Variants in CBR4 observed in about 807,000 individuals in gnomAD.
CBR4 encodes the protein 3-oxoacyl-[acyl-carrier-protein] reductase.
CBR4 carries 22 observed loss-of-function variants against 21.0 expected under a neutral mutation model. That is an observed-to-expected ratio of 1.05 (90% CI 0.75 to 1.50). CBR4 has a LOEUF of 1.50. CBR4 is among the 40% of genes most tolerant of loss of function. The probability of loss-of-function intolerance (pLI) is 0.00; values close to 1 mark genes in which losing one functional copy is unlikely to be tolerated. For missense variants in CBR4, 302 were observed against 286.3 expected, an observed-to-expected ratio of 1.05 and a Z score of -0.40; for synonymous variants, 100 against 104.4, an observed-to-expected ratio of 0.96 and a Z score of 0.26.
intron 2 of CBR4, among the ~76,000 whole-genome samples, chr4:168,902,314 C>T (rs1021612035): frequency 3.3e-5 from 5 of 152,086 alleles, no homozygotes; most frequent in African/African-American, 4.8e-5. Flanking sequence ...CAACAAATAA[C>T]TTGCTGTGGC....
intron 2 of CBR4, among the ~76,000 whole-genome samples, chr4:168,981,501 A>C (rs1187430206): frequency 9.9e-5 from 15 of 152,240 alleles, no homozygotes; most frequent in Admixed American, 9.8e-4. Context: ...TATTAATAGC[A>C]GAACAGATCA....
chr4:169,005,633 C>A (rs1432476864), intron 3 of CBR4, among the ~76,000 whole-genome samples: 1 of 152,116 alleles, frequency 6.6e-6, no homozygotes, highest in Non-Finnish European at 1.5e-5. Context: ...CAGATACAGG[C>A]CTGTTTGCCT....
chr4:168,949,958 A>G (rs1294058283), intron 2 of CBR4, among the ~76,000 whole-genome samples: 1 of 152,054 alleles, frequency 6.6e-6, no homozygotes, highest in Non-Finnish European at 1.5e-5. Context: ...GTCAGTTGTA[A>G]TATCTCCCAT....
chr4:168,947,048 A>C (rs1294218494), intron 2 of CBR4, among the ~76,000 whole-genome samples: 1 of 152,196 alleles, frequency 6.6e-6, no homozygotes, highest in Admixed American at 6.6e-5. Context: ...ATCCTCAAGA[A>C]ATAAAACTTT....
rs140584890 is a variant in CBR4, at chr4:168,921,575, T to C, written n.170-26810A>G. 1.3e-4 allele frequency: 208 copies of C among 1,607,938 alleles called. 1 individual carries two copies. The highest frequency in any genetic ancestry group is 3.3e-4 in the Middle Eastern group (2 of 6,028). The stretch of plus-strand genomic sequence containing the variant: ...CCCCAGATCTAAGCTGGCAACTAGA[T>C]GGAAAGCCCGTACGCCCTGACAGTG... On this transcript the variant is annotated intron_variant and non_coding_transcript_variant, in intron 2 of 3. Coordinates refer to the CBR4 transcript ENST00000509108.
intron 2 of CBR4, among the ~76,000 whole-genome samples, chr4:168,957,907 C>T (rs1369237605): frequency 6.6e-6 from 1 of 152,076 alleles, no homozygotes; most frequent in Non-Finnish European, 1.5e-5. Context: ...AGGGGTTTTC[C>T]CTGCCTACAC....
chr4:168,942,989 G>A (rs746509908), intron 2 of CBR4, among the ~76,000 whole-genome samples: 1 of 152,150 alleles, frequency 6.6e-6, no homozygotes, highest in Non-Finnish European at 1.5e-5. Flanking sequence ...CAAGAAGGTA[G>A]AGAAACAGGA....
intron 2 of CBR4, among the ~76,000 whole-genome samples, chr4:168,952,538 G>A (rs1382215950): frequency 1.3e-5 from 2 of 152,098 alleles, no homozygotes; most frequent in East Asian, 3.9e-4. Context: ...CTTCCCATTT[G>A]GGTAGGCTCT....
intron 2 of CBR4, among the ~76,000 whole-genome samples, chr4:168,976,556 T>A (rs1285039301): frequency 6.6e-6 from 1 of 152,204 alleles, no homozygotes; most frequent in Non-Finnish European, 1.5e-5. Context: ...GGGGTGGATC[T>A]TGTAGTACAT....
intron 1 of CBR4, 60 bp downstream of exon 1, chr4:169,009,888 A>G: frequency 6.7e-7 from 1 of 1,493,920 alleles, no homozygotes; most frequent in Non-Finnish European, 9.0e-7. Context: ...TACAAAGGAG[A>G]TTTTCTTTAG....
chr4:168,941,941 A>T (rs1278172774), intron 2 of CBR4, among the ~76,000 whole-genome samples: 1 of 152,200 alleles, frequency 6.6e-6, no homozygotes, highest in East Asian at 1.9e-4. Flanking sequence ...ATGTATGTTT[A>T]CTGCAGCCGT....
chr4:168,898,418 A>G, intron 2 of CBR4: 1 of 914,972 alleles, frequency 1.1e-6, no homozygotes, highest in Non-Finnish European at 1.8e-6. Flanking sequence ...CTAGGGCCTT[A>G]TTGGGGGGCA....
downstream of CBR4, among the ~76,000 whole-genome samples, chr4:168,986,118 A>C (rs1764683925): frequency 6.6e-6 from 1 of 152,188 alleles, no homozygotes; most frequent in African/African-American, 2.4e-5. Context: ...AAATAAGAAC[A>C]ATTAAAAATA....
intron 2 of CBR4, chr4:168,924,512 T>C: frequency 8.3e-7 from 1 of 1,204,988 alleles, no homozygotes; most frequent in Non-Finnish European, 1.2e-6. Flanking sequence ...AATCTATGTG[T>C]AAAAGCCACA....
At chr4:168,986,487 T>C (rs1764695594), downstream of CBR4, among the ~76,000 whole-genome samples, 1 of 152,232 alleles carries the variant, frequency 6.6e-6, no homozygotes, top group African/African-American at 2.4e-5. Flanking sequence ...TGATTAAGTC[T>C]GCTTGACCCC....
chr4:168,999,167 T>C (rs1730191615), intron 4 of CBR4, among the ~76,000 whole-genome samples: 1 of 152,148 alleles, frequency 6.6e-6, no homozygotes, highest in Non-Finnish European at 1.5e-5. Flanking sequence ...TATTAGGCAA[T>C]GAATCGCAGC....
chr4:168,989,514 C>A lies in CBR4; in HGVS notation c.*636G>T, dbSNP rs1260580534. ...CTATGTTTTGCAACCTGTATAAAAA[C>A]TGATCACCCAAGCACATGCAAAAGG... On this transcript the variant is annotated 3_prime_UTR_variant, in exon 5 of 5. Transcript: ENST00000306193. 2.0e-6 allele frequency: 2 copies of A among 985,352 alleles called. No individual in the cohort carries two copies. The highest frequency in any genetic ancestry group is 3.5e-5 in the African/African-American group (2 of 57,344). The allele number at this position is 985,352 out of a possible 1,614,324, so 61.0% of individuals were successfully genotyped here.
chr4:168,958,618 T>G (rs936288410), intron 2 of CBR4, among the ~76,000 whole-genome samples: 3 of 152,224 alleles, frequency 2.0e-5, no homozygotes, highest in Non-Finnish European at 2.9e-5. Flanking sequence ...TAAGTTTATG[T>G]TCAACTTTTT....
chr4:168,998,763 G>A (rs1765326625), intron 4 of CBR4, among the ~76,000 whole-genome samples: 1 of 152,122 alleles, frequency 6.6e-6, no homozygotes, highest in African/African-American at 2.4e-5. Context: ...CATCACCAAG[G>A]TATCTTGTTC....
Sources: allele counts gnomAD v4.1 joint callset (sites outside exome capture counted in the v4.1 genomes callset), GRCh38; gene constraint gnomAD v4.1.1; transcripts MANE v1.5; gene names NCBI Gene and HGNC (gene_info 2026-07-23, HGNC 2026-07-21).